APCDD1: variants seen among roughly 807,000 people sequenced by gnomAD.
APCDD1 encodes protein APCDD1.
In APCDD1, 15 loss-of-function variants were observed where a neutral mutation model predicts 38.1. The ratio of observed to expected loss-of-function variants is 0.39; its 90% CI spans 0.26 to 0.61. The LOEUF (loss-of-function observed/expected upper bound fraction) is 0.61, where lower values mean the gene tolerates loss of function less well. Among genes scored for constraint, APCDD1 ranks in the 20% least tolerant of loss-of-function variants. The pLI is 0.49. For synonymous variants in APCDD1, 261 were observed against 279.7 expected (o/e 0.93, Z 0.67); for missense variants, 647 against 696.2 (o/e 0.93, Z 0.79).
rs2030834522 is a variant in APCDD1 at position 10,470,862 on chromosome 18, G to A, written c.243-668G>A. On this transcript the variant is annotated intron_variant, in intron 2 of 4. Transcript: ENST00000355285. The surrounding 1 kb of genome is among the most constrained non-coding windows in gnomAD (Gnocchi z 4.1). ...CCTAGCATTCATCTAAGGCCACACT[G>A]GCAACCATCATAAACAAAAGGAACC... Among the ~76,000 whole-genome samples the A allele has an allele frequency of 1.3e-5, 2 of 152,170 alleles. 1 individual carries two copies. Among genetic ancestry groups the A allele is most frequent in the Admixed American group, 1.3e-4 (2 of 15,288 alleles).
At chr18:10,473,316 CTT>C (rs1243789825) in intron 3 of APCDD1, among the ~76,000 whole-genome samples, 1 of 152,138 alleles carries the variant, frequency 6.6e-6, no homozygotes. Flanking sequence ...CTGGATGAAT[CTT>C]TTCATGGCTG....
chr18:10,485,377 G>C lies in APCDD1; in HGVS notation c.775-85G>C. ...GTCAGTGATGGTGATCTGGTGCCTG[G>C]TGAGACCCCATTTGCCGGAAGCATG... On this transcript the variant is annotated intron_variant, in intron 3 of 4. Coordinates refer to ENST00000355285, the MANE Select transcript of APCDD1 (RefSeq NM_153000.5). The surrounding 1 kb of genome is among the most constrained non-coding windows in gnomAD (Gnocchi z 5.8). The C allele has an allele frequency of 6.8e-7, 1 of 1,477,406 alleles. No homozygotes were observed. The highest frequency in any genetic ancestry group is 9.4e-7 in the Non-Finnish European group (1 of 1,066,366). 91.5% of individuals were successfully genotyped at this position (1,477,406 alleles called of 1,614,324 possible).
intron 1 of APCDD1, among the ~76,000 whole-genome samples, chr18:10,466,388 A>G (rs1365177714): frequency 6.6e-6 from 1 of 152,208 alleles, no homozygotes; most frequent in East Asian, 1.9e-4. Flanking sequence ...TACTTAATCA[A>G]AAGACACAGT....
chr18:10,488,301 G>T lies in APCDD1; in HGVS notation c.*263G>T. On this transcript the variant is annotated 3_prime_UTR_variant, in exon 5 of 5. Transcript: ENST00000355285. ...GCACTTTAAGACAGCCTAGAGTTCTGGACGAGCGTGTTTGGTAGCAGGGAT... is the reference window on the plus strand; with the variant it reads ...GCACTTTAAGACAGCCTAGAGTTCTTGACGAGCGTGTTTGGTAGCAGGGAT... The T allele has an allele frequency of 2.1e-6, 1 of 472,054 alleles. No homozygotes were observed. The highest frequency in any genetic ancestry group is 3.7e-6 in the Non-Finnish European group (1 of 267,166). 29.2% of individuals were successfully genotyped at this position (472,054 alleles called of 1,614,324 possible).
chr18:10,466,106 C>T (rs140156213), intron 1 of APCDD1, among the ~76,000 whole-genome samples: 196 of 152,312 alleles, frequency 1.3e-3, no homozygotes, highest in African/African-American at 4.6e-3. Flanking sequence ...CTCCCAATAC[C>T]TTGTAACTTT....
In APCDD1 at chr18:10,488,130, C is replaced by A; in HGVS notation, c.*92C>A. ...AGAAAAGACATTTATTCTTTTGATG[C>A]ACTTGAATGCCAGAGAACTGTCCTT... On this transcript the variant is annotated 3_prime_UTR_variant, in exon 5 of 5. Coordinates refer to ENST00000355285, the MANE Select transcript of APCDD1 (RefSeq NM_153000.5). 6.9e-7 allele frequency: 1 copy of A among 1,444,018 alleles called. No homozygotes were observed. The highest frequency in any genetic ancestry group is 9.5e-7 in the Non-Finnish European group (1 of 1,056,636). 89.5% of individuals were successfully genotyped at this position (1,444,018 alleles called of 1,614,324 possible).
intron 3 of APCDD1, chr18:10,477,887 A>G (rs1455908698): frequency 6.6e-6 from 1 of 152,226 alleles, no homozygotes; most frequent in Non-Finnish European, 1.5e-5. Flanking sequence ...AACCATTCTT[A>G]AAGTCTTTTC....
rs368201557 is a variant in APCDD1 at position 10,487,853 on chromosome 18, A to G, written c.1360A>G (p.Lys454Glu). ...CGGGTCCAGCCCAGACAGGCCAGAGAAGAGAGCCACGTCCTACCAGATGCC... is the reference window on the plus strand; with the variant it reads ...CGGGTCCAGCCCAGACAGGCCAGAGGAGAGAGCCACGTCCTACCAGATGCC... ...SDGSSPDRPEKRATSYQMPLV... is the reference protein window; with the variant it reads ...SDGSSPDRPEERATSYQMPLV... Residue 454 changes from lysine (K) to glutamate (E), a missense_variant, in exon 5 of 5, where the codon AAG (lysine) becomes GAG (glutamate). Physicochemically the swap from Lys to Glu is moderately conservative, Grantham distance 56. Transcript: ENST00000355285. The G allele has an allele frequency of 4.5e-5, 72 of 1,613,744 alleles. No homozygotes were observed. The highest frequency in any genetic ancestry group is 5.6e-5 in the Non-Finnish European group (66 of 1,180,042).
intron 1 of APCDD1, among the ~76,000 whole-genome samples, chr18:10,460,559 A>C (rs1408809118): frequency 1.3e-5 from 2 of 151,894 alleles, no homozygotes; most frequent in Non-Finnish European, 2.9e-5. Context: ...AAAACAAACA[A>C]GCAAAAAAAA....
At position 10,454,668 on chromosome 18, in the gene APCDD1, C is replaced by T; in HGVS notation, c.-314C>T. ...GCTGCAGCTGCGGTGGCGGTGGCGGCCACTGCAGCTCAGAGCGGCGCACGC... is the reference window on the plus strand; with the variant it reads ...GCTGCAGCTGCGGTGGCGGTGGCGGTCACTGCAGCTCAGAGCGGCGCACGC... On this transcript the variant is annotated 5_prime_UTR_variant, in exon 1 of 5. Coordinates refer to ENST00000355285, the MANE Select transcript of APCDD1 (RefSeq NM_153000.5). 5 of 1,028,580 alleles carry T rather than the reference C, an allele frequency of 4.9e-6. No individual in the cohort carries two copies. Among genetic ancestry groups the T allele is most frequent in the South Asian group, 3.4e-5 (1 of 29,498 alleles). The allele number at this position is 1,028,580 out of a possible 1,614,324, so 63.7% of individuals were successfully genotyped here. A position where few individuals can be genotyped will look rare whatever the true frequency, so the allele number is the denominator to read the frequency against.
rs1205869596 is a variant in APCDD1, at chr18:10,472,168, T to C, written c.774+107T>C. 12 of 1,510,206 alleles carry C rather than the reference T, an allele frequency of 7.9e-6. No homozygotes were observed. Among genetic ancestry groups the C allele is most frequent in the Non-Finnish European group, 5.5e-6 (6 of 1,098,434 alleles). 93.6% of individuals were successfully genotyped at this position (1,510,206 alleles called of 1,614,324 possible). ...CACCCTTGAAAGGGGGAATTCTGCATCATGGCGGGGCAGGCCAAGGTGGGG... is the reference window on the plus strand; with the variant it reads ...CACCCTTGAAAGGGGGAATTCTGCACCATGGCGGGGCAGGCCAAGGTGGGG... On this transcript the variant is annotated intron_variant, in intron 3 of 4. Transcript: ENST00000355285. This position sits in a 1 kb window ranked among gnomAD's most constrained non-coding sequence, Gnocchi z 6.6.
In APCDD1 at chr18:10,455,027, C is replaced by T. The variant is rs911034579; in HGVS notation, c.46C>T (p.Leu16Phe). The change falls in exon 1 of 5, where the codon CTC (leucine) becomes TTC (phenylalanine). Residue 16 changes from leucine to phenylalanine, a missense_variant. Transcript: ENST00000355285. Reference sequence around the variant, plus strand: ...CCTGCTCAGATACCTGTTCCCGGCCCTCCTGCTTCACGGTGAGTTCCCGAG... The same window carrying T: ...CCTGCTCAGATACCTGTTCCCGGCCTTCCTGCTTCACGGTGAGTTCCCGAG... ...RLLLRYLFPA[L>F]LLHGLGEGSA... The T allele has an allele frequency of 1.9e-6, 3 of 1,565,220 alleles. No homozygotes were observed. Among genetic ancestry groups the T allele is most frequent in the African/African-American group, 2.7e-5 (2 of 73,534 alleles).
rs116550750 is a variant in APCDD1 at position 10,469,012 on chromosome 18, C to T, written c.242+360C>T. On this transcript the variant is annotated intron_variant, in intron 2 of 4. Coordinates refer to ENST00000355285, the MANE Select transcript of APCDD1 (RefSeq NM_153000.5). The surrounding 1 kb of genome is among the most constrained non-coding windows in gnomAD (Gnocchi z 5.5). ...AGCCTGAAACATGACTTGCAAGCTC[C>T]GGATGGTCTAAATATTCTAGCCATA... Among the ~76,000 whole-genome samples, 2,345 of 152,234 alleles carry T rather than the reference C, an allele frequency of 0.015. 47 individuals carry two copies. The highest frequency in any genetic ancestry group is 0.052 in the African/African-American group (2,176 of 41,528).
chr18:10,454,968 G>C lies in APCDD1; in HGVS notation c.-14G>C, dbSNP rs1412952726. Reference sequence around the variant, plus strand: ...GGAGCGCGGCGTGCGGGAGGCCCCAGAGCAGGACTGGAAATGTCCTGGCCG... The same window carrying C: ...GGAGCGCGGCGTGCGGGAGGCCCCACAGCAGGACTGGAAATGTCCTGGCCG... On this transcript the variant is annotated 5_prime_UTR_variant, in exon 1 of 5. Transcript: ENST00000355285. 3 of 1,541,332 alleles carry C rather than the reference G, an allele frequency of 1.9e-6. No homozygotes were observed. The highest frequency in any genetic ancestry group is 2.8e-5 in the African/African-American group (2 of 71,312).
intron 1 of APCDD1, among the ~76,000 whole-genome samples, chr18:10,458,164 A>C (rs1190775947): frequency 2.0e-5 from 3 of 152,206 alleles, no homozygotes; most frequent in Non-Finnish European, 4.4e-5. Flanking sequence ...GGAGTGCCTG[A>C]TTCTCTTTGC....
At chr18:10,457,683 A>G (rs2030417420) in intron 1 of APCDD1, among the ~76,000 whole-genome samples, 1 of 152,234 alleles carries the variant, frequency 6.6e-6, no homozygotes, top group Non-Finnish European at 1.5e-5. Flanking sequence ...AAGTCAGGTT[A>G]AGAAGTGCAA....
intron 3 of APCDD1, among the ~76,000 whole-genome samples, chr18:10,481,439 A>G (rs1568007304): frequency 2.0e-5 from 3 of 152,210 alleles, no homozygotes. Context: ...CCAGATACAA[A>G]AAGACAAATA....
intron 1 of APCDD1, among the ~76,000 whole-genome samples, chr18:10,457,877 G>T (rs2143504611): frequency 6.6e-6 from 1 of 152,260 alleles, no homozygotes; most frequent in South Asian, 2.1e-4. Context: ...CTGCAAATGT[G>T]GTGCGAGACC....
chr18:10,464,311 A>ACAC (rs2030647085), intron 1 of APCDD1, among the ~76,000 whole-genome samples: 7 of 146,996 alleles, frequency 4.8e-5, no homozygotes, highest in African/African-American at 1.8e-4. Flanking sequence ...CTTCAAAGTA[A>ACAC]ACACACACAC....
Sources: gnomAD v4.1 joint callset for allele counts (sites outside exome capture counted in the v4.1 genomes callset) on GRCh38, gnomAD v4.1.1 for gene constraint, Gnocchi (gnomAD v3.1) non-coding constraint, MANE v1.5 for transcripts, NCBI Gene and HGNC (gene_info 2026-07-23, HGNC 2026-07-21) for gene names.